Variants in ROBO2 observed in about 807,000 individuals in gnomAD.
ROBO2 encodes roundabout guidance receptor 2.
In ROBO2, 53 loss-of-function variants were observed where a neutral mutation model predicts 160.8. That is an observed-to-expected ratio of 0.33 (90% confidence interval 0.26 to 0.41). The LOEUF (loss-of-function observed/expected upper bound fraction) is 0.41, where lower values mean the gene tolerates loss of function less well. Ranked by LOEUF, ROBO2 falls within the 10% of genes least tolerant of loss-of-function variation. The pLI is 1.00. For synonymous variants in ROBO2, 664 were observed against 611.7 expected (o/e 1.09, Z -1.26); for missense variants, 1,577 against 1,722.4 (o/e 0.92, Z 1.49).
In ROBO2 at chr3:76,654,913, G is replaced by GTGTATATATATA. The variant is rs536883164; in HGVS notation, c.110-443100_110-443099insGTATATATATAT. On this transcript the variant is annotated intron_variant, in intron 2 of 26. Transcript: ENST00000487694. The stretch of plus-strand genomic sequence containing the variant: ...TATGCATGTGTGTACATATGTGTGT[G>GTGTATATATATA]TATATATATATATATTTATATATAT... 5.1e-3 allele frequency among the ~76,000 whole-genome samples: 379 copies of GTGTATATATATA among 74,122 alleles called. 2 individuals carry two copies. Among genetic ancestry groups the GTGTATATATATA allele is most frequent in the Non-Finnish European group, 7.2e-3 (246 of 33,996 alleles). The allele number at this position is 74,122 out of a possible 152,430, so 48.6% of individuals were successfully genotyped here.
At chr3:76,170,477 T>C (rs2073001712) in intron 2 of ROBO2, among the ~76,000 whole-genome samples, 2 of 152,152 alleles carry the variant, frequency 1.3e-5, no homozygotes, top group Non-Finnish European at 2.9e-5. Flanking sequence ...TTTTGGTGTT[T>C]CCTCAAAAAG....
chr3:77,048,751 T>C (rs908823470), intron 1 of ROBO2, among the ~76,000 whole-genome samples: 3 of 152,304 alleles, frequency 2.0e-5, no homozygotes, highest in African/African-American at 7.2e-5. Flanking sequence ...ATTAGTTACA[T>C]TTGCACAATG....
intron 2 of ROBO2, among the ~76,000 whole-genome samples, chr3:77,015,381 A>T (rs185360785): frequency 2.0e-5 from 3 of 152,324 alleles, no homozygotes; most frequent in African/African-American, 7.2e-5. Context: ...GGTATTAGTG[A>T]TTACATCTTT....
At chr3:76,486,798 T>C (rs1234291991) in intron 2 of ROBO2, among the ~76,000 whole-genome samples, 1 of 152,200 alleles carries the variant, frequency 6.6e-6, no homozygotes, top group East Asian at 1.9e-4. Flanking sequence ...TCCATTGTCA[T>C]GTAATGAATG....
chr3:76,995,463 C>A (rs1230264002), intron 2 of ROBO2, among the ~76,000 whole-genome samples: 1 of 152,116 alleles, frequency 6.6e-6, no homozygotes, highest in South Asian at 2.1e-4. Context: ...TGAGTATATA[C>A]CCAGTAATGG....
At chr3:76,471,140 T>C (rs569254834) in intron 2 of ROBO2, among the ~76,000 whole-genome samples, 1 of 152,290 alleles carries the variant, frequency 6.6e-6, no homozygotes, top group East Asian at 1.9e-4. Context: ...TGAATACTTG[T>C]ATCATTGGAC....
At chr3:76,394,079 C>T in intron 2 of ROBO2, among the ~76,000 whole-genome samples, 1 of 152,116 alleles carries the variant, frequency 6.6e-6, no homozygotes, top group East Asian at 1.9e-4. Flanking sequence ...ACTCTTTAGC[C>T]AATTTGCCAG....
At chr3:76,530,691 C>T (rs2082176179) in intron 2 of ROBO2, among the ~76,000 whole-genome samples, 1 of 152,144 alleles carries the variant, frequency 6.6e-6, no homozygotes, top group Admixed American at 6.6e-5. Context: ...TTCTATGCTC[C>T]TTCAACTCTG....
intron 17 of ROBO2, among the ~76,000 whole-genome samples, chr3:77,594,910 A>G (rs1293856150): frequency 6.6e-6 from 1 of 152,192 alleles, no homozygotes; most frequent in Non-Finnish European, 1.5e-5. Context: ...TAACTTAACC[A>G]TGGATTTGGC....
intron 2 of ROBO2, among the ~76,000 whole-genome samples, chr3:76,213,054 A>G (rs572327544): frequency 6.9e-4 from 105 of 152,244 alleles, no homozygotes; most frequent in African/African-American, 2.5e-3. Flanking sequence ...CGCATATACT[A>G]CTTGACAGAA....
At chr3:77,140,861 CT>C (rs1274788680) in intron 2 of ROBO2, among the ~76,000 whole-genome samples, 2 of 152,156 alleles carry the variant, frequency 1.3e-5, no homozygotes, top group Non-Finnish European at 2.9e-5. Context: ...AATAACTCTT[CT>C]TTTTCTTCTT....
At chr3:77,028,400 C>A (rs1436905240) in intron 2 of ROBO2, among the ~76,000 whole-genome samples, 2 of 152,020 alleles carry the variant, frequency 1.3e-5, no homozygotes, top group African/African-American at 4.8e-5. Flanking sequence ...TGTTTTAGGT[C>A]CTCCAAAAAC....
chr3:77,479,482 T>A (rs3846095), intron 3 of ROBO2, among the ~76,000 whole-genome samples: 78,379 of 151,872 alleles, frequency 0.52, 20,649 homozygotes, highest in Admixed American at 0.63. Context: ...GAGACATTGA[T>A]GTTAAGGAAG....
At position 77,123,385 on chromosome 3, in the gene ROBO2, G is replaced by T. The variant is rs115799226; in HGVS notation, c.388+25045G>T. ...CTTCTCTGGCTATATAATTCAAGAT[G>T]ATTCATCAAATTATTGCTTTTACAA... is the stretch of plus-strand genomic sequence containing the variant. On this transcript the variant is annotated intron_variant, in intron 2 of 25. Coordinates refer to ENST00000461745, the Ensembl canonical transcript of ROBO2. Among the ~76,000 whole-genome samples the T allele has an allele frequency of 4.3e-3, 651 of 152,214 alleles. 2 individuals are homozygous for T. The highest frequency in any genetic ancestry group is 0.014 in the African/African-American group (573 of 41,548).
At chr3:77,372,100 T>G (rs1482609271) in intron 2 of ROBO2, among the ~76,000 whole-genome samples, 2 of 151,726 alleles carry the variant, frequency 1.3e-5, no homozygotes, top group African/African-American at 4.8e-5. Flanking sequence ...ATTTAGAGAC[T>G]GTAAACTACA....
chr3:76,651,415 T>C (rs1483165220), intron 2 of ROBO2, among the ~76,000 whole-genome samples: 1 of 152,152 alleles, frequency 6.6e-6, no homozygotes, highest in Non-Finnish European at 1.5e-5. Context: ...GTGCAAGGAC[T>C]CTGTCTTATA....
chr3:76,936,418 A>G (rs1221240856), intron 2 of ROBO2, among the ~76,000 whole-genome samples: 5 of 152,140 alleles, frequency 3.3e-5, no homozygotes, highest in Non-Finnish European at 1.5e-5. Context: ...TCCAAGTGAA[A>G]TTGAAAATAA....
rs563003269 is a variant in ROBO2 at position 75,981,783 on chromosome 3, T to C, written c.109+44181T>C. On this transcript the variant is annotated intron_variant, in intron 2 of 26. Coordinates refer to the ROBO2 transcript ENST00000487694. ...TGAGTTACAAACAATCCAGTTACAC[T>C]CTTTAAGTGAATTTAAAATATACAA... Among the ~76,000 whole-genome samples, 6 of 151,504 alleles carry C rather than the reference T, an allele frequency of 4.0e-5. No individual in the cohort carries two copies. The South Asian group carries it at 1.2e-3, about 31-fold the overall frequency.
Position 76,024,266 on chromosome 3 carries a change from C to A in ROBO2, c.109+86664C>A, listed in dbSNP as rs549356277. 6.1e-4 allele frequency among the ~76,000 whole-genome samples: 92 copies of A among 151,286 alleles called. 1 individual carries two copies. Among genetic ancestry groups the A allele is most frequent in the Non-Finnish European group, 2.4e-4 (16 of 67,596 alleles). ...CGATTATACTTTAAAAGGAAAGACG[C>A]CTGTTTTGTCTATCGTTATGAAGGA... is the stretch of plus-strand genomic sequence containing the variant. On this transcript the variant is annotated intron_variant, in intron 2 of 26. Coordinates refer to the ROBO2 transcript ENST00000487694.
Sources: allele counts gnomAD v4.1 joint callset (sites outside exome capture counted in the v4.1 genomes callset), GRCh38; gene constraint gnomAD v4.1.1; transcripts MANE v1.5; gene names NCBI Gene and HGNC (gene_info 2026-07-23, HGNC 2026-07-21).